Variants in ATP8A2 observed in about 807,000 individuals in gnomAD.
ATP8A2 encodes phospholipid-transporting ATPase IB.
A neutral mutation model predicts 165.6 loss-of-function variants in ATP8A2; 100 were observed. The observed-to-expected ratio is 0.60, with a 90% confidence interval of 0.51 to 0.71. ATP8A2 has a LOEUF of 0.71. ATP8A2 is among the 30% of genes least tolerant of loss of function. The pLI is 0.00. For missense variants in ATP8A2, 1,227 were observed against 1,479.5 expected (o/e 0.83, Z 2.80); for synonymous variants, 543 against 548.8 (o/e 0.99, Z 0.15).
intron 35 of ATP8A2, among the ~76,000 whole-genome samples, chr13:25,988,264 C>T (rs892004116): frequency 2.0e-5 from 3 of 152,226 alleles, no homozygotes; most frequent in Non-Finnish European, 2.9e-5. Context: ...ATGGCATCTT[C>T]GCTGTGAGTG....
chr13:25,657,280 G>GT (rs1276836305), intron 24 of ATP8A2, among the ~76,000 whole-genome samples: 1 of 152,072 alleles, frequency 6.6e-6, no homozygotes, highest in Non-Finnish European at 1.5e-5. Context: ...CTGGAGGTGT[G>GT]TAGGAGGCTG....
chr13:25,692,122 C>T (rs1387075240), intron 24 of ATP8A2, among the ~76,000 whole-genome samples: 10 of 151,892 alleles, frequency 6.6e-5, no homozygotes, highest in Admixed American at 2.0e-4. Context: ...AGCTGATGGT[C>T]GACAGGGGAC....
At chr13:25,600,947 G>C (rs1342765555) in intron 24 of ATP8A2, among the ~76,000 whole-genome samples, 1 of 152,198 alleles carries the variant, frequency 6.6e-6, no homozygotes, top group African/African-American at 2.4e-5. Flanking sequence ...CACGGATGTG[G>C]TCTATTCCAT....
chr13:25,825,145 C>CTTTTTTTTTTTTTTTTTTTTTTTTTTT (rs60778003), intron 27 of ATP8A2, among the ~76,000 whole-genome samples: 1 of 27,472 alleles, frequency 3.6e-5, no homozygotes, highest in Non-Finnish European at 6.3e-5. Flanking sequence ...TATGTGTTTG[C>CTTTTTTTTTTTTTTTTTTTTTTTTTTT]TTTTTTTTTT....
intron 2 of ATP8A2, among the ~76,000 whole-genome samples, chr13:25,490,307 C>G (rs1423285282): frequency 2.0e-5 from 3 of 152,204 alleles, no homozygotes; most frequent in Non-Finnish European, 4.4e-5. Flanking sequence ...CAGGGCTAGC[C>G]CCGTATAGCT....
intron 27 of ATP8A2, among the ~76,000 whole-genome samples, chr13:25,821,734 G>T (rs773700344): frequency 6.6e-6 from 1 of 152,128 alleles, no homozygotes; most frequent in Non-Finnish European, 1.5e-5. Flanking sequence ...ATTTTTTGCT[G>T]TAGAGAGCTC....
chr13:25,454,173 C>T (rs1371693016), intron 1 of ATP8A2, among the ~76,000 whole-genome samples: 4 of 152,142 alleles, frequency 2.6e-5, no homozygotes, highest in African/African-American at 9.7e-5. Context: ...GCGTTTGGCT[C>T]CCTGTGTTGT....
chr13:25,762,296 A>AAAAAAAAAG (rs2044397987), intron 25 of ATP8A2, among the ~76,000 whole-genome samples: 1 of 149,088 alleles, frequency 6.7e-6, no homozygotes, highest in East Asian at 2.0e-4. Flanking sequence ...AAAAAAAAAA[A>AAAAAAAAAG]GCTGTCCCAG....
At chr13:25,599,022 G>C (rs2040310537) in intron 24 of ATP8A2, among the ~76,000 whole-genome samples, 1 of 149,816 alleles carries the variant, frequency 6.7e-6, no homozygotes, top group African/African-American at 2.4e-5. Flanking sequence ...AATCATGCAT[G>C]AGCCCTGGGA....
intron 36 of ATP8A2, among the ~76,000 whole-genome samples, chr13:26,013,337 C>T (rs1001777225): frequency 6.6e-6 from 1 of 152,202 alleles, no homozygotes. Context: ...CTCCCTGCCT[C>T]CCTTTCCCTT....
At chr13:25,637,315 C>T (rs1246471077) in intron 24 of ATP8A2, among the ~76,000 whole-genome samples, 2 of 152,086 alleles carry the variant, frequency 1.3e-5, no homozygotes, top group South Asian at 2.1e-4. Context: ...CGAGGCATCA[C>T]CTCACCCAGG....
chr13:25,610,614 A>G (rs1008252139), intron 24 of ATP8A2, among the ~76,000 whole-genome samples: 4 of 152,050 alleles, frequency 2.6e-5, no homozygotes, highest in Admixed American at 2.6e-4. Flanking sequence ...TTTTGGTTCC[A>G]TGTGAATTTT....
intron 35 of ATP8A2, among the ~76,000 whole-genome samples, chr13:25,979,747 A>G (rs938024961): frequency 1.3e-4 from 20 of 152,198 alleles, no homozygotes; most frequent in Admixed American, 5.2e-4. Context: ...CTCGCCTGGT[A>G]GTGGGAGACA....
intron 1 of ATP8A2, among the ~76,000 whole-genome samples, chr13:25,440,157 G>A (rs2034892889): frequency 6.6e-6 from 1 of 152,062 alleles, no homozygotes; most frequent in Admixed American, 6.5e-5. Flanking sequence ...AGATGCTGGG[G>A]AAGCCTGGCT....
intron 10 of ATP8A2, among the ~76,000 whole-genome samples, chr13:25,548,495 G>T (rs1446385876): frequency 6.6e-6 from 1 of 152,136 alleles, no homozygotes; most frequent in African/African-American, 2.4e-5. Context: ...TTTTTTTCCT[G>T]CCTGTACATT....
intron 33 of ATP8A2, among the ~76,000 whole-genome samples, chr13:25,919,748 C>T (rs73472933): frequency 0.045 from 6,772 of 152,148 alleles, 202 homozygotes; most frequent in African/African-American, 0.068. Context: ...TCTTATAGAC[C>T]TCTCTGTACT....
chr13:25,897,333 T>C (rs1018920715), intron 33 of ATP8A2, among the ~76,000 whole-genome samples: 4 of 152,244 alleles, frequency 2.6e-5, no homozygotes, highest in African/African-American at 7.2e-5. Context: ...TTGAAAATTC[T>C]TTTCTTTAAG....
At chr13:25,857,055 A>G (rs555917617) in intron 30 of ATP8A2, among the ~76,000 whole-genome samples, 21 of 152,320 alleles carry the variant, frequency 1.4e-4, no homozygotes, top group African/African-American at 5.1e-4. Flanking sequence ...TACCTATTAC[A>G]ATTAACAAAG....
At chr13:25,820,775 G>C (rs12865439) in intron 27 of ATP8A2, among the ~76,000 whole-genome samples, 26,437 of 152,128 alleles carry the variant, frequency 0.17, 2,472 homozygotes, top group Middle Eastern at 0.22. Context: ...AAGTACGTTT[G>C]TATAAATATT....
Sources: allele counts gnomAD v4.1 joint callset (sites outside exome capture counted in the v4.1 genomes callset), GRCh38; gene constraint gnomAD v4.1.1; transcripts MANE v1.5; gene names NCBI Gene and HGNC (gene_info 2026-07-23, HGNC 2026-07-21).